DLG2: variants seen among roughly 807,000 people sequenced by gnomAD.
DLG2 encodes discs large MAGUK scaffold protein 2.
DLG2 carries 45 observed loss-of-function variants against 132.5 expected under a neutral mutation model. That is an observed-to-expected ratio of 0.34 (90% CI 0.27 to 0.44). The LOEUF (loss-of-function observed/expected upper bound fraction) is 0.44, where lower values mean the gene tolerates loss of function less well. Ranked by LOEUF, DLG2 falls within the 20% of genes least tolerant of loss-of-function variation. DLG2 has a pLI of 1.00. For synonymous variants in DLG2, 424 were observed against 419.6 expected (o/e 1.01, Z -0.13); for missense variants, 1,045 against 1,196.9 (o/e 0.87, Z 1.87).
chr11:84,375,441 T>A (rs533815687), intron 7 of DLG2, among the ~76,000 whole-genome samples: 1 of 152,246 alleles, frequency 6.6e-6, no homozygotes, highest in South Asian at 2.1e-4. Context: ...GCACACCATG[T>A]TAATGTCATT....
intron 4 of DLG2, among the ~76,000 whole-genome samples, chr11:85,205,850 T>C (rs1298626375): frequency 6.6e-6 from 1 of 152,208 alleles, no homozygotes; most frequent in Non-Finnish European, 1.5e-5. Context: ...TAAGACTTAC[T>C]CAAGATCCAA....
chr11:83,800,577 A>T (rs561033587), intron 17 of DLG2, among the ~76,000 whole-genome samples: 1 of 152,212 alleles, frequency 6.6e-6, no homozygotes, highest in East Asian at 1.9e-4. Context: ...GCAAAGTGAA[A>T]AATTGATATT....
chr11:84,855,026 T>C (rs2082607557), intron 6 of DLG2, among the ~76,000 whole-genome samples: 1 of 152,034 alleles, frequency 6.6e-6, no homozygotes, highest in African/African-American at 2.4e-5. Context: ...GGTTGACAGA[T>C]TCAAATGGAG....
chr11:83,896,934 C>T (rs1440659392), intron 15 of DLG2, among the ~76,000 whole-genome samples: 2 of 142,608 alleles, frequency 1.4e-5, no homozygotes, highest in African/African-American at 5.3e-5. Context: ...AATCATGTGT[C>T]ATTAAGCAGT....
chr11:84,975,301 G>T (rs1331937937), intron 6 of DLG2, among the ~76,000 whole-genome samples: 1 of 152,166 alleles, frequency 6.6e-6, no homozygotes, highest in Non-Finnish European at 1.5e-5. Context: ...CTTTGCATAG[G>T]TGGGGTGATG....
rs150377763 is a variant in DLG2, at chr11:84,530,817, C to T, written c.519+3753G>A. 2.9e-3 allele frequency among the ~76,000 whole-genome samples: 449 copies of T among 152,314 alleles called. 1 individual carries two copies. Among genetic ancestry groups the T allele is most frequent in the African/African-American group, 9.8e-3 (408 of 41,568 alleles). On this transcript the variant is annotated intron_variant, in intron 7 of 27. Coordinates refer to ENST00000376104, the MANE Select transcript of DLG2 (RefSeq NM_001142699.3). Reference sequence around the variant, plus strand: ...TAAATTGTTCTGCCGTTAAGACACACGCAAAGGTATGTTCCTTGCAGCACT... The same window carrying T: ...TAAATTGTTCTGCCGTTAAGACACATGCAAAGGTATGTTCCTTGCAGCACT...
chr11:84,559,250 A>C (rs1356888373), intron 6 of DLG2, among the ~76,000 whole-genome samples: 1 of 152,148 alleles, frequency 6.6e-6, no homozygotes, highest in African/African-American at 2.4e-5. Context: ...AACAAAAATC[A>C]TTTAAAAGTA....
chr11:83,923,078 A>G (rs201322211), intron 15 of DLG2, among the ~76,000 whole-genome samples: 2 of 152,256 alleles, frequency 1.3e-5, no homozygotes, highest in East Asian at 3.9e-4. Context: ...GACAAGAAGG[A>G]TGGCTGCTAA....
intron 3 of DLG2, among the ~76,000 whole-genome samples, chr11:85,304,923 T>C (rs1038543438): frequency 6.6e-6 from 1 of 152,228 alleles, no homozygotes; most frequent in Non-Finnish European, 1.5e-5. Context: ...TTATTGTCTG[T>C]CTTCTCCCTA....
chr11:85,175,693 T>G (rs752522502), intron 4 of DLG2, among the ~76,000 whole-genome samples: 3 of 152,170 alleles, frequency 2.0e-5, no homozygotes, highest in South Asian at 2.1e-4. Context: ...GCAGATGACA[T>G]AATTCTATAT....
intron 14 of DLG2, among the ~76,000 whole-genome samples, chr11:83,958,411 T>C (rs1186376328): frequency 6.6e-6 from 1 of 152,150 alleles, no homozygotes; most frequent in East Asian, 1.9e-4. Flanking sequence ...AACTAAATGA[T>C]GTGAGGGACC....
At chr11:83,677,269 T>C (rs186105546) in intron 18 of DLG2, among the ~76,000 whole-genome samples, 374 of 152,262 alleles carry the variant, frequency 2.5e-3, no homozygotes, top group Non-Finnish European at 4.0e-3. Flanking sequence ...TGTTACCTCT[T>C]TGCACCATCC....
chr11:84,435,755 C>T (rs2098998615), intron 7 of DLG2, among the ~76,000 whole-genome samples: 1 of 152,124 alleles, frequency 6.6e-6, no homozygotes, highest in African/African-American at 2.4e-5. Context: ...GCTCAGATTA[C>T]TTTGTTGTAT....
chr11:83,959,952 A>G (rs551341988), intron 14 of DLG2, among the ~76,000 whole-genome samples: 3 of 152,108 alleles, frequency 2.0e-5, no homozygotes, highest in African/African-American at 7.2e-5. Context: ...TTATTACTCT[A>G]TGTATTGTTA....
chr11:85,482,017 A>C (rs2093306958), intron 3 of DLG2, among the ~76,000 whole-genome samples: 1 of 151,968 alleles, frequency 6.6e-6, no homozygotes, highest in South Asian at 2.1e-4. Context: ...AGAGGCCCCA[A>C]GCTCCAGATC....
At chr11:85,556,879 T>C (rs2076968066) in intron 3 of DLG2, among the ~76,000 whole-genome samples, 1 of 151,856 alleles carries the variant, frequency 6.6e-6, no homozygotes. Context: ...AAAAAATATA[T>C]GTCATTAGAT....
intron 9 of DLG2, among the ~76,000 whole-genome samples, chr11:84,154,243 C>A (rs1353618412): frequency 1.3e-5 from 2 of 152,184 alleles, no homozygotes; most frequent in African/African-American, 4.8e-5. Context: ...AGTGATCCAC[C>A]CACCTCAGCC....
intron 3 of DLG2, among the ~76,000 whole-genome samples, chr11:85,421,225 C>A (rs2090281535): frequency 6.6e-6 from 1 of 152,002 alleles, no homozygotes; most frequent in African/African-American, 2.4e-5. Flanking sequence ...GGAGAGAGTT[C>A]CCTGACCCCT....
intron 6 of DLG2, among the ~76,000 whole-genome samples, chr11:85,069,012 T>C (rs1363995733): frequency 6.6e-6 from 1 of 152,012 alleles, no homozygotes; most frequent in Non-Finnish European, 1.5e-5. Flanking sequence ...TCTACAACCA[T>C]CTGATCTCTG....
Sources: gnomAD v4.1 joint callset for allele counts (sites outside exome capture counted in the v4.1 genomes callset) on GRCh38, gnomAD v4.1.1 for gene constraint, MANE v1.5 for transcripts, NCBI Gene and HGNC (gene_info 2026-07-23, HGNC 2026-07-21) for gene names.